Variants in DPF3 observed in about 807,000 individuals in gnomAD.
DPF3 encodes the protein double PHD fingers 3.
A neutral mutation model predicts 56.8 loss-of-function variants in DPF3; 18 were observed. The ratio of observed to expected loss-of-function variants is 0.32; its 90% CI spans 0.22 to 0.47. The LOEUF (loss-of-function observed/expected upper bound fraction) is 0.47, where lower values mean the gene tolerates loss of function less well. Among genes scored for constraint, DPF3 ranks in the 20% least tolerant of loss-of-function variants. The pLI, the probability that DPF3 is intolerant of heterozygous loss-of-function variation, is 1.00. For missense variants in DPF3, 403 were observed against 488.8 expected (o/e 0.82, Z 1.65); for synonymous variants, 188 against 180.2 (o/e 1.04, Z -0.35).
chr14:72,839,530 G>T (rs570485560), intron 1 of DPF3, among the ~76,000 whole-genome samples: 1 of 152,292 alleles, frequency 6.6e-6, no homozygotes, highest in South Asian at 2.1e-4. Context: ...CTCCCCGAGG[G>T]ACTGGCGAAA....
chr14:72,864,691 T>C (rs1020197497), intron 1 of DPF3, among the ~76,000 whole-genome samples: 1 of 152,074 alleles, frequency 6.6e-6, no homozygotes, highest in Non-Finnish European at 1.5e-5. Context: ...GATGGATGGA[T>C]GGATGGATGG....
chr14:72,862,402 T>G (rs1160622796), intron 1 of DPF3, among the ~76,000 whole-genome samples: 1 of 152,156 alleles, frequency 6.6e-6, no homozygotes, highest in Non-Finnish European at 1.5e-5. Flanking sequence ...TGTCACATCC[T>G]ACTTTCAATT....
At chr14:72,874,610 TA>T (rs1474675103) in intron 1 of DPF3, among the ~76,000 whole-genome samples, 1 of 152,234 alleles carries the variant, frequency 6.6e-6, no homozygotes, top group African/African-American at 2.4e-5. Context: ...GTCTCTTCGC[TA>T]AAACATAACA....
At chr14:72,732,614 C>T (rs1435075144) in intron 3 of DPF3, among the ~76,000 whole-genome samples, 1 of 152,162 alleles carries the variant, frequency 6.6e-6, no homozygotes, top group Non-Finnish European at 1.5e-5. Context: ...CACAGCCACG[C>T]CACGACCTTT....
At chr14:72,659,071 G>A (rs754625201) in intron 8 of DPF3, among the ~76,000 whole-genome samples, 2 of 151,698 alleles carry the variant, frequency 1.3e-5, no homozygotes, top group African/African-American at 2.4e-5. Flanking sequence ...GCTGAGTCAC[G>A]GCTGCCCCAT....
intron 1 of DPF3, among the ~76,000 whole-genome samples, chr14:72,789,358 T>G (rs1892336618): frequency 6.6e-6 from 1 of 152,192 alleles, no homozygotes; most frequent in South Asian, 2.1e-4. Context: ...CCACGGTCAC[T>G]TGGTCAGTGG....
intron 10 of DPF3, among the ~76,000 whole-genome samples, 197 bp from the exon 11 acceptor site, chr14:72,619,564 C>G (rs1339969074): frequency 2.0e-5 from 3 of 152,204 alleles, no homozygotes; most frequent in Admixed American, 2.0e-4. Flanking sequence ...CAACTCTTAT[C>G]AAGACCCTCA....
chr14:72,769,639 C>T (rs982702031), intron 2 of DPF3, among the ~76,000 whole-genome samples: 2 of 145,272 alleles, frequency 1.4e-5, no homozygotes, highest in African/African-American at 2.6e-5. Flanking sequence ...GAGATCATGC[C>T]ACTGCACTCC....
intron 8 of DPF3, chr14:72,662,821 G>C: frequency 1.0e-6 from 1 of 985,236 alleles, no homozygotes; most frequent in African/African-American, 1.7e-5. Context: ...GAGTCCCCAG[G>C]TCATAATGTT....
At chr14:72,661,805 T>A (rs1042087730) in intron 8 of DPF3, 80 of 984,712 alleles carry the variant, frequency 8.1e-5, no homozygotes, top group Non-Finnish European at 9.6e-5. Flanking sequence ...CTTCTAGGAG[T>A]TGTTAGGTGA....
intron 1 of DPF3, among the ~76,000 whole-genome samples, chr14:72,848,128 T>C (rs1884832314): frequency 6.6e-6 from 1 of 152,168 alleles, no homozygotes; most frequent in Admixed American, 6.5e-5. Context: ...GACAAATAAA[T>C]AAACTTCTGT....
chr14:72,795,958 T>G (rs1304180772), intron 1 of DPF3, among the ~76,000 whole-genome samples: 1 of 152,232 alleles, frequency 6.6e-6, no homozygotes, highest in African/African-American at 2.4e-5. Flanking sequence ...AGCTATAGCT[T>G]ACAGTCAACA....
rs536985505 is a variant in DPF3 at position 72,714,146 on chromosome 14, G to A, written c.604+277C>T. ...GCGCGTGAGAGAGAGAGCCGGAGGA[G>A]AGCCACACAGGAGGCATGGCAGGAG... On this transcript the variant is annotated intron_variant, in intron 6 of 10. Transcript: ENST00000556509. Among the ~76,000 whole-genome samples, 4 of 152,348 alleles carry A rather than the reference G, an allele frequency of 2.6e-5. No individual in the cohort carries two copies. The South Asian group carries it at 8.3e-4, about 32-fold the overall frequency.
At chr14:72,849,063 C>A (rs1357284471) in intron 1 of DPF3, among the ~76,000 whole-genome samples, 1 of 152,176 alleles carries the variant, frequency 6.6e-6, no homozygotes, top group East Asian at 1.9e-4. Flanking sequence ...AAATAACTTG[C>A]CCTAGCTGCA....
At chr14:72,864,640 G>T (rs1885589030) in intron 1 of DPF3, among the ~76,000 whole-genome samples, 1 of 152,256 alleles carries the variant, frequency 6.6e-6, no homozygotes, top group Non-Finnish European at 1.5e-5. Flanking sequence ...CCCTGTGCAT[G>T]GTGCTGCCCA....
intron 3 of DPF3, among the ~76,000 whole-genome samples, chr14:72,748,629 G>T (rs1304927519): frequency 6.6e-6 from 1 of 152,202 alleles, no homozygotes; most frequent in Non-Finnish European, 1.5e-5. Flanking sequence ...CACAGGCCTG[G>T]AGGTTTAGGA....
intron 2 of DPF3, among the ~76,000 whole-genome samples, chr14:72,761,194 A>G (rs1185331235): frequency 6.6e-6 from 1 of 152,136 alleles, no homozygotes; most frequent in Non-Finnish European, 1.5e-5. Flanking sequence ...AGGATGTAGA[A>G]GATTTAAAAA....
chr14:72,666,321 G>C (rs1440820482), intron 8 of DPF3, among the ~76,000 whole-genome samples: 1 of 152,222 alleles, frequency 6.6e-6, no homozygotes. Context: ...ATGTGTCATA[G>C]TTTCATTTGG....
At chr14:72,736,385 G>A (rs1378830385) in intron 3 of DPF3, among the ~76,000 whole-genome samples, 2 of 152,216 alleles carry the variant, frequency 1.3e-5, no homozygotes, top group African/African-American at 2.4e-5. Flanking sequence ...CAGATTTGCA[G>A]CATTAAAAAT....
Sources: gnomAD v4.1 joint callset for allele counts (sites outside exome capture counted in the v4.1 genomes callset) on GRCh38, gnomAD v4.1.1 for gene constraint, MANE v1.5 for transcripts, NCBI Gene and HGNC (gene_info 2026-07-23, HGNC 2026-07-21) for gene names.